STARD13: variants seen among roughly 807,000 people sequenced by gnomAD.
The protein encoded by STARD13 is stAR-related lipid transfer protein 13.
In STARD13, 62 loss-of-function variants were observed where a neutral mutation model predicts 106.4. The observed-to-expected ratio is 0.58, with a 90% CI of 0.48 to 0.72. The LOEUF is 0.72. Among genes scored for constraint, STARD13 ranks in the 30% least tolerant of loss-of-function variants. The probability of loss-of-function intolerance (pLI) is 0.00; values close to 1 mark genes in which losing one functional copy is unlikely to be tolerated. For missense variants in STARD13, 1,387 were observed against 1,424.0 expected (o/e 0.97, Z 0.42); for synonymous variants, 565 against 553.0 (o/e 1.02, Z -0.31).
the STARD13 span, among the ~76,000 whole-genome samples, chr13:33,400,993 C>T: frequency 6.6e-6 from 1 of 152,142 alleles, no homozygotes; most frequent in Non-Finnish European, 1.5e-5. Flanking sequence ...GTTTAAGCAT[C>T]AAAAAGAGAA....
chr13:33,108,611 C>G (rs541773551), intron 12 of STARD13, among the ~76,000 whole-genome samples: 2 of 152,274 alleles, frequency 1.3e-5, no homozygotes, highest in African/African-American at 4.8e-5. Flanking sequence ...CTTGGCATAC[C>G]CAGAGCCTAT....
chr13:33,472,736 A>C, the STARD13 span, among the ~76,000 whole-genome samples: 404 of 152,298 alleles, frequency 2.7e-3, 2 homozygotes, highest in South Asian at 0.03. Flanking sequence ...CAAGAAATAC[A>C]ATGGCTTAGA....
At chr13:33,143,033 T>G (rs930331337) in intron 3 of STARD13, among the ~76,000 whole-genome samples, 5 of 152,222 alleles carry the variant, frequency 3.3e-5, no homozygotes, top group Non-Finnish European at 7.3e-5. Context: ...TCTCTCTGCA[T>G]GTGAGGACAC....
downstream of STARD13, among the ~76,000 whole-genome samples, chr13:33,345,667 G>T (rs1178597434): frequency 6.6e-6 from 1 of 152,130 alleles, no homozygotes; most frequent in East Asian, 1.9e-4. Context: ...AACTGCCACG[G>T]AATTGGAAAG....
At chr13:33,591,291 CT>C in the STARD13 span, among the ~76,000 whole-genome samples, 24 of 152,290 alleles carry the variant, frequency 1.6e-4, no homozygotes, top group African/African-American at 5.5e-4. Flanking sequence ...AAAACTCTGT[CT>C]GTTGGAACTT....
At chr13:33,270,979 A>T (rs554135013) in intron 1 of STARD13, among the ~76,000 whole-genome samples, 24 of 152,334 alleles carry the variant, frequency 1.6e-4, no homozygotes. Flanking sequence ...GAGTCAGTTC[A>T]TCAATCTCTT....
the STARD13 span, among the ~76,000 whole-genome samples, chr13:33,462,580 C>T: frequency 6.6e-6 from 1 of 152,216 alleles, no homozygotes; most frequent in Non-Finnish European, 1.5e-5. Flanking sequence ...GCCAACAGCA[C>T]AGCCTTCAGT....
At chr13:33,613,046 A>G in the STARD13 span, among the ~76,000 whole-genome samples, 1 of 152,174 alleles carries the variant, frequency 6.6e-6, no homozygotes, top group Non-Finnish European at 1.5e-5. Context: ...TTTTTCTCAG[A>G]ATTATACTGA....
the STARD13 span, among the ~76,000 whole-genome samples, chr13:33,416,900 G>A: frequency 3.3e-5 from 5 of 152,118 alleles, no homozygotes; most frequent in Non-Finnish European, 7.4e-5. Context: ...CATCAAGAAA[G>A]TTAAAAGACA....
chr13:33,290,277 A>T (rs1892243056), upstream of STARD13, among the ~76,000 whole-genome samples: 1 of 152,186 alleles, frequency 6.6e-6, no homozygotes, highest in African/African-American at 2.4e-5. Flanking sequence ...TACAAGTGGC[A>T]GGCAGAAAAA....
chr13:33,474,603 C>A, the STARD13 span, among the ~76,000 whole-genome samples: 1 of 151,418 alleles, frequency 6.6e-6, no homozygotes, highest in Non-Finnish European at 1.5e-5. Context: ...AATATACCAG[C>A]TGGCTTTAAA....
At chr13:33,437,540 T>C in the STARD13 span, among the ~76,000 whole-genome samples, 1 of 152,078 alleles carries the variant, frequency 6.6e-6, no homozygotes, top group African/African-American at 2.4e-5. Flanking sequence ...AAAGCCAAAT[T>C]AGGAATGAGG....
chr13:33,591,610 T>A, the STARD13 span, among the ~76,000 whole-genome samples: 3 of 152,226 alleles, frequency 2.0e-5, no homozygotes, highest in Non-Finnish European at 2.9e-5. Flanking sequence ...CCTTATTTTC[T>A]GAGAAAAATA....
the STARD13 span, among the ~76,000 whole-genome samples, chr13:33,666,660 G>T: frequency 6.6e-6 from 1 of 151,680 alleles, no homozygotes; most frequent in Non-Finnish European, 1.5e-5. Flanking sequence ...GCGCGATCTC[G>T]ACTCACTGCA....
intron 1 of STARD13, among the ~76,000 whole-genome samples, chr13:33,265,011 G>A (rs1303519864): frequency 1.3e-5 from 2 of 152,198 alleles, no homozygotes; most frequent in Non-Finnish European, 2.9e-5. Context: ...GTGTGCAGGG[G>A]TGCTAATGAG....
At chr13:33,237,807 G>T (rs569500327) in intron 1 of STARD13, among the ~76,000 whole-genome samples, 2 of 152,352 alleles carry the variant, frequency 1.3e-5, no homozygotes, top group East Asian at 3.9e-4. Context: ...CAATTGGGTT[G>T]AGAAGAGTCT....
chr13:33,202,112 T>C (rs543649302), intron 1 of STARD13, among the ~76,000 whole-genome samples: 2 of 152,326 alleles, frequency 1.3e-5, no homozygotes, highest in East Asian at 3.9e-4. Flanking sequence ...TTCAAAAAGA[T>C]GGTCAGATTT....
At chr13:33,206,570 C>G (rs945584215) in intron 1 of STARD13, among the ~76,000 whole-genome samples, 6 of 152,174 alleles carry the variant, frequency 3.9e-5, no homozygotes, top group Non-Finnish European at 5.9e-5. Flanking sequence ...CAGTTGGCAA[C>G]AGGATTTGCT....
intron 1 of STARD13, among the ~76,000 whole-genome samples, chr13:33,217,607 C>CTT (rs1888119099): frequency 6.6e-6 from 1 of 152,160 alleles, no homozygotes; most frequent in Admixed American, 6.5e-5. Context: ...CTTAGCGCTG[C>CTT]ATGAGCTCAC....
Sources: allele counts gnomAD v4.1 joint callset (sites outside exome capture counted in the v4.1 genomes callset), GRCh38; gene constraint gnomAD v4.1.1; transcripts MANE v1.5; gene names NCBI Gene and HGNC (gene_info 2026-07-23, HGNC 2026-07-21).